Variants in ARHGAP40 observed in about 807,000 individuals in gnomAD.
ARHGAP40 encodes the protein Rho GTPase activating protein 40.
In ARHGAP40, 43 loss-of-function variants were observed where a neutral mutation model predicts 73.5. The ratio of observed to expected loss-of-function variants is 0.58; its 90% CI spans 0.46 to 0.75. The LOEUF (loss-of-function observed/expected upper bound fraction) is 0.75. Ranked by LOEUF, ARHGAP40 falls within the 30% of genes least tolerant of loss-of-function variation. The probability of loss-of-function intolerance (pLI) is 0.00; values close to 1 mark genes in which losing one functional copy is unlikely to be tolerated. For missense variants in ARHGAP40, 734 were observed against 861.8 expected, an observed-to-expected ratio of 0.85 and a Z score of 1.86; for synonymous variants, 300 against 352.8, an observed-to-expected ratio of 0.85 and a Z score of 1.68.
chr20:38,602,183 T>C, intron 1 of ARHGAP40, 104 bp downstream of exon 1: 1 of 1,168,988 alleles, frequency 8.6e-7, no homozygotes, highest in Non-Finnish European at 1.1e-6. Flanking sequence ...TCTTCCTCCA[T>C]CGTACAGATG....
chr20:38,615,483 G>A (rs529146643), intron 1 of ARHGAP40: 174 of 676,188 alleles, frequency 2.6e-4, no homozygotes, highest in East Asian at 1.8e-3. Flanking sequence ...CCATGGCGGC[G>A]CGAGTGGCCA....
At chr20:38,632,995 C>G (rs1367566496) in intron 5 of ARHGAP40, among the ~76,000 whole-genome samples, 2 of 151,974 alleles carry the variant, frequency 1.3e-5, no homozygotes, top group African/African-American at 2.4e-5. Context: ...TGGTGGTACA[C>G]AACTATAATC....
chr20:38,622,788 G>T (rs2088879977), intron 1 of ARHGAP40, among the ~76,000 whole-genome samples: 1 of 152,178 alleles, frequency 6.6e-6, no homozygotes, highest in Non-Finnish European at 1.5e-5. Flanking sequence ...TGACCCCTCT[G>T]CCCTTGGTTC....
chr20:38,615,575 C>A (rs776438267), intron 1 of ARHGAP40: 14 of 530,594 alleles, frequency 2.6e-5, no homozygotes, highest in Non-Finnish European at 4.5e-5. Context: ...GATTGCCTTT[C>A]AATCTCTGCT....
intron 1 of ARHGAP40, among the ~76,000 whole-genome samples, chr20:38,603,310 T>G (rs533600958): frequency 6.6e-6 from 1 of 152,370 alleles, no homozygotes; most frequent in East Asian, 1.9e-4. Context: ...TGAGCTCCTA[T>G]GTGCGTGGGG....
At chr20:38,639,377 G>A (rs775389215) in exon 9 of ARHGAP40, 18 of 1,305,378 alleles carry the variant, frequency 1.4e-5, no homozygotes, top group Middle Eastern at 2.1e-4. Context: ...GGCCTTCGCC[G>A]TGGTGCCTAG....
intron 6 of ARHGAP40, 97 bp downstream of exon 6, chr20:38,634,882 C>G: frequency 9.9e-7 from 1 of 1,006,574 alleles, no homozygotes; most frequent in Admixed American, 4.8e-5. Flanking sequence ...CTTTGTCTTT[C>G]TTTCTTTTTT....
intron 11 of ARHGAP40, 59 bp downstream of exon 11, chr20:38,643,969 C>T (rs1231873842): frequency 2.4e-6 from 3 of 1,233,028 alleles, no homozygotes; most frequent in African/African-American, 1.6e-5. Context: ...CGCCCCTGCT[C>T]TCCAGGAGCC....
At position 38,603,297 on chromosome 20, in the gene ARHGAP40, C is replaced by T. The variant is rs146615247; in HGVS notation, c.137+1218C>T. On this transcript the variant is annotated intron_variant, in intron 1 of 14. Transcript: ENST00000373345. ...GACCATTTCATTCATACAGCATGTT[C>T]GCTGAGCTCCTATGTGCGTGGGGCT... 2.6e-3 allele frequency among the ~76,000 whole-genome samples: 399 copies of T among 152,348 alleles called. 2 individuals are homozygous for T. Among genetic ancestry groups the T allele is most frequent in the African/African-American group, 8.9e-3 (372 of 41,584 alleles).
At chr20:38,608,977 C>T (rs898566080) in intron 1 of ARHGAP40, among the ~76,000 whole-genome samples, 1 of 152,202 alleles carries the variant, frequency 6.6e-6, no homozygotes, top group Non-Finnish European at 1.5e-5. Context: ...GGTTTTCACT[C>T]TTCTGCCTCC....
intron 5 of ARHGAP40, among the ~76,000 whole-genome samples, chr20:38,631,999 T>A (rs146856004): frequency 0.011 from 1,617 of 152,338 alleles, 20 homozygotes; most frequent in African/African-American, 0.036. Flanking sequence ...AGTCTCACTC[T>A]GTTGCCCAGG....
intron 5 of ARHGAP40, among the ~76,000 whole-genome samples, chr20:38,631,304 TAAA>T (rs35575772): frequency 1.1e-5 from 1 of 87,564 alleles, no homozygotes; most frequent in Non-Finnish European, 2.2e-5. Flanking sequence ...GAGCAAGACC[TAAA>T]AAAAAAAAAA....
At chr20:38,644,648 C>T (rs1385530681) in intron 11 of ARHGAP40, among the ~76,000 whole-genome samples, 1 of 144,998 alleles carries the variant, frequency 6.9e-6, no homozygotes, top group Non-Finnish European at 1.5e-5. Context: ...CTATCCCCCC[C>T]ACCCATCTAC....
At chr20:38,636,906 G>A (rs2088978611) in intron 6 of ARHGAP40, among the ~76,000 whole-genome samples, 1 of 152,252 alleles carries the variant, frequency 6.6e-6, no homozygotes, top group South Asian at 2.1e-4. Context: ...AAAGACCAGG[G>A]GGAGGAATCT....
rs1047047056 is a variant in ARHGAP40 at position 38,602,070 on chromosome 20, T to A, written c.128T>A (p.Leu43Gln). The A allele has an allele frequency of 3.1e-6, 4 of 1,285,040 alleles. No homozygotes were observed. In the African/African-American group the frequency reaches 6.1e-5, roughly 20 times the overall value. The allele number at this position is 1,285,040 out of a possible 1,614,324, so 79.6% of individuals were successfully genotyped here. Residue 43 changes from leucine to glutamine, a missense_variant, in exon 1 of 15, where the codon CTG (leucine) becomes CAG (glutamine). Leu to Gln is a moderately radical substitution (Grantham distance 113, BLOSUM62 -2). Coordinates refer to ENST00000373345, the Ensembl canonical transcript of ARHGAP40. ...CGCTGCGCCCAGCGCTGGGCCGACC[T>A]GGGCTGCAGGTACAGGGGTCACGGG...
At chr20:38,621,648 C>T (rs187496540) in intron 1 of ARHGAP40, among the ~76,000 whole-genome samples, 140 of 152,302 alleles carry the variant, frequency 9.2e-4, no homozygotes, top group African/African-American at 3.1e-3. Context: ...GCATGGAAAA[C>T]GTGGTCGTAG....
rs1263369413 is a variant in ARHGAP40, at chr20:38,630,080, CTTTT to C, written c.783+432_783+435del. Reference sequence around the variant, plus strand: ...TTCTTTTTTCTTTCTTTCTTTCTTTCTTTTTCTTTCTTTCTTTCTTTGTTTTTCT... The same window carrying C: ...TTCTTTTTTCTTTCTTTCTTTCTTTCTCTTTCTTTCTTTCTTTGTTTTTCT... On this transcript the variant is annotated intron_variant, in intron 5 of 14. Coordinates refer to ENST00000373345, the Ensembl canonical transcript of ARHGAP40. Among the ~76,000 whole-genome samples, 737 of 74,690 alleles carry C rather than the reference CTTTT, an allele frequency of 9.9e-3. 20 individuals carry two copies. The highest frequency in any genetic ancestry group is 0.088 in the Admixed American group (678 of 7,678). 49.0% of individuals were successfully genotyped at this position (74,690 alleles called of 152,430 possible). A position where few individuals can be genotyped will look rare whatever the true frequency, so the allele number is the denominator to read the frequency against.
At chr20:38,647,195 G>A (rs2089059959) in intron 13 of ARHGAP40, 69 bp downstream of exon 13, 7 of 1,229,872 alleles carry the variant, frequency 5.7e-6, no homozygotes, top group African/African-American at 1.6e-5. Context: ...AGAGCTGAAG[G>A]CCACCAGGGG....
intron 10 of ARHGAP40, among the ~76,000 whole-genome samples, chr20:38,643,152 A>C (rs1380077799): frequency 6.6e-6 from 1 of 152,012 alleles, no homozygotes. Context: ...ACTCAAAAAA[A>C]AAAAAACAAA....
Sources: gnomAD v4.1 joint callset for allele counts (sites outside exome capture counted in the v4.1 genomes callset) on GRCh38, gnomAD v4.1.1 for gene constraint, MANE v1.5 for transcripts, NCBI Gene and HGNC (gene_info 2026-07-23, HGNC 2026-07-21) for gene names.